NTM: variants seen among roughly 807,000 people sequenced by gnomAD.
The protein encoded by NTM is neurotrimin.
In NTM, 13 loss-of-function variants were observed where a neutral mutation model predicts 42.1. That is an observed-to-expected ratio of 0.31 (90% confidence interval 0.20 to 0.49). The LOEUF (loss-of-function observed/expected upper bound fraction) is 0.49, where lower values mean the gene tolerates loss of function less well. Ranked by LOEUF, NTM falls within the 20% of genes least tolerant of loss-of-function variation. NTM has a pLI of 0.99. For missense variants in NTM, 373 were observed against 452.8 expected, an observed-to-expected ratio of 0.82 and a Z score of 1.60; for synonymous variants, 187 against 179.2, an observed-to-expected ratio of 1.04 and a Z score of -0.35.
At chr11:131,449,204 C>T (rs975101415) in intron 1 of NTM, among the ~76,000 whole-genome samples, 2 of 152,164 alleles carry the variant, frequency 1.3e-5, no homozygotes, top group African/African-American at 4.8e-5. Flanking sequence ...AGCTGCCGTG[C>T]AGTAACTCAT....
At chr11:132,153,915 C>T (rs1191951180) in intron 3 of NTM, among the ~76,000 whole-genome samples, 1 of 152,142 alleles carries the variant, frequency 6.6e-6, no homozygotes, top group Non-Finnish European at 1.5e-5. Context: ...ATTGAATTTA[C>T]CTGCAAGATT....
At chr11:131,696,480 C>G (rs1208060080) in intron 1 of NTM, among the ~76,000 whole-genome samples, 1 of 152,146 alleles carries the variant, frequency 6.6e-6, no homozygotes, top group Non-Finnish European at 1.5e-5. Flanking sequence ...GACCACACAA[C>G]ATTGTGTTTC....
intron 4 of NTM, among the ~76,000 whole-genome samples, chr11:132,296,108 C>A (rs1434859710): frequency 6.6e-6 from 1 of 152,122 alleles, no homozygotes; most frequent in African/African-American, 2.4e-5. Flanking sequence ...CAAGAGAGAT[C>A]AGATGCAGGA....
chr11:131,652,310 C>T (rs528001469), intron 1 of NTM, among the ~76,000 whole-genome samples: 75 of 152,282 alleles, frequency 4.9e-4, no homozygotes, highest in African/African-American at 1.8e-3. Flanking sequence ...ATAACACTCA[C>T]AGTTCCTGAT....
chr11:131,627,564 G>A (rs973527698), intron 1 of NTM, among the ~76,000 whole-genome samples: 1 of 152,120 alleles, frequency 6.6e-6, no homozygotes, highest in Non-Finnish European at 1.5e-5. Flanking sequence ...GGGCAAGGTG[G>A]CTCATGCCTA....
At chr11:131,372,940 G>A (rs766373142) in intron 1 of NTM, among the ~76,000 whole-genome samples, 4 of 152,112 alleles carry the variant, frequency 2.6e-5, no homozygotes, top group Non-Finnish European at 5.9e-5. Context: ...CTTGGGGTAG[G>A]GGTGGTGGCG....
At chr11:131,842,906 G>A (rs570490300) in intron 1 of NTM, among the ~76,000 whole-genome samples, 1 of 152,044 alleles carries the variant, frequency 6.6e-6, no homozygotes, top group Non-Finnish European at 1.5e-5. Flanking sequence ...AGCTACTCAG[G>A]AGACTGAAGC....
At chr11:131,662,171 C>T (rs1480371412) in intron 1 of NTM, 1 of 152,234 alleles carries the variant, frequency 6.6e-6, no homozygotes, top group Non-Finnish European at 1.5e-5. Flanking sequence ...CATTTGAATA[C>T]ACAGATGTTC....
At chr11:131,437,588 CAG>C (rs1215401792) in intron 1 of NTM, among the ~76,000 whole-genome samples, 1 of 152,146 alleles carries the variant, frequency 6.6e-6, no homozygotes, top group Non-Finnish European at 1.5e-5. Context: ...TCTGTTTTAT[CAG>C]AGACTAAGAT....
intron 1 of NTM, among the ~76,000 whole-genome samples, chr11:131,807,420 G>C (rs542451785): frequency 6.6e-6 from 1 of 152,196 alleles, no homozygotes; most frequent in African/African-American, 2.4e-5. Flanking sequence ...GTAGTGCTAA[G>C]AACAGAAAGG....
intron 2 of NTM, among the ~76,000 whole-genome samples, chr11:132,136,540 C>G (rs1240038628): frequency 6.6e-6 from 1 of 152,180 alleles, no homozygotes; most frequent in Non-Finnish European, 1.5e-5. Context: ...CCTCCCACCA[C>G]ACATGGCCAC....
At chr11:132,017,668 A>G (rs2073652043) in intron 2 of NTM, among the ~76,000 whole-genome samples, 2 of 152,174 alleles carry the variant, frequency 1.3e-5, no homozygotes, top group South Asian at 4.1e-4. Flanking sequence ...GTTTAGAAAC[A>G]GACTGTCAAT....
At chr11:131,828,321 C>T (rs1437114000) in intron 1 of NTM, among the ~76,000 whole-genome samples, 1 of 152,096 alleles carries the variant, frequency 6.6e-6, no homozygotes, top group Non-Finnish European at 1.5e-5. Flanking sequence ...ACCGCCTTCA[C>T]CATTATTGCC....
At chr11:132,236,768 G>A (rs145777698) in intron 4 of NTM, among the ~76,000 whole-genome samples, 1 of 152,286 alleles carries the variant, frequency 6.6e-6, no homozygotes, top group South Asian at 2.1e-4. Context: ...ACTCTCACCC[G>A]TGGCAGTCTA....
intron 1 of NTM, among the ~76,000 whole-genome samples, chr11:131,748,237 C>T (rs1039485476): frequency 3.3e-5 from 5 of 152,222 alleles, no homozygotes; most frequent in Admixed American, 3.3e-4. Flanking sequence ...GGTTAGGCGT[C>T]CAGGTCATGT....
chr11:131,838,586 G>A (rs2043816809), intron 1 of NTM, among the ~76,000 whole-genome samples: 1 of 152,152 alleles, frequency 6.6e-6, no homozygotes, highest in Admixed American at 6.5e-5. Context: ...AGTATCCAGG[G>A]TCAATATGGA....
chr11:131,430,994 G>A (rs1948603089), intron 1 of NTM, among the ~76,000 whole-genome samples: 1 of 152,264 alleles, frequency 6.6e-6, no homozygotes. Flanking sequence ...CCTGCAAGCT[G>A]TAGGGAGATA....
At chr11:131,635,695 A>G (rs2064281496) in intron 1 of NTM, among the ~76,000 whole-genome samples, 1 of 152,040 alleles carries the variant, frequency 6.6e-6, no homozygotes, top group Non-Finnish European at 1.5e-5. Flanking sequence ...GTATTTATTA[A>G]TTTAGTGTAT....
chr11:131,988,293 A>T (rs527948117), intron 2 of NTM, among the ~76,000 whole-genome samples: 6 of 152,158 alleles, frequency 3.9e-5, no homozygotes, highest in South Asian at 2.1e-4. Flanking sequence ...AACCATTCAG[A>T]CTGTAGCATT....
Sources: gnomAD v4.1 joint callset for allele counts (sites outside exome capture counted in the v4.1 genomes callset) on GRCh38, gnomAD v4.1.1 for gene constraint, MANE v1.5 for transcripts, NCBI Gene and HGNC (gene_info 2026-07-23, HGNC 2026-07-21) for gene names.